The following MGAM variants were observed in gnomAD, a reference collection of about 807,000 sequenced individuals.
The protein encoded by MGAM is maltase-glucoamylase.
MGAM carries 253 observed loss-of-function variants against 358.8 expected under a neutral mutation model. The ratio of observed to expected loss-of-function variants is 0.71; its 90% CI spans 0.64 to 0.78. The LOEUF (loss-of-function observed/expected upper bound fraction) is 0.78. Among genes scored for constraint, MGAM ranks in the 30% least tolerant of loss-of-function variants. MGAM has a pLI of 0.00. For synonymous variants in MGAM, 1,105 were observed against 1,227.1 expected (o/e 0.90, Z 2.08); for missense variants, 3,080 against 3,432.6 (o/e 0.90, Z 2.57).
At chr7:142,044,285 GACATATAATATATACTA>G (rs1809640945) in intron 21 of MGAM, among the ~76,000 whole-genome samples, 2 of 79,484 alleles carry the variant, frequency 2.5e-5, no homozygotes, top group Non-Finnish European at 6.0e-5. Context: ...ATACACATAC[GACATATAATATATACTA>G]TATATAATAT....
Position 142,082,078 on chromosome 7 carries a change from C to T in MGAM, c.6039C>T (p.Asp2013=), listed in dbSNP as rs562216253. ...DSQLLGFTFN[D]MFIRISTRLP... ...AGCTCCTTGGCTTCACCTTCAATGA[C>T]ATGTTTATCCGCATCTCCACCCGCC... The change falls in exon 51 of 71, where the codon GAC becomes GAT. Residue 2013 remains aspartate (D), a synonymous_variant. Coordinates refer to ENST00000475668, the MANE Select transcript of MGAM (RefSeq NM_001365693.1). The T allele has an allele frequency of 6.4e-7, 1 of 1,555,862 alleles. No homozygotes were observed. Among genetic ancestry groups the T allele is most frequent in the African/African-American group, 1.3e-5 (1 of 74,610 alleles).
intron 65 of MGAM, 103 bp from the exon 66 acceptor site, chr7:142,097,490 G>A: frequency 1.7e-6 from 2 of 1,152,648 alleles, no homozygotes; most frequent in Non-Finnish European, 1.3e-6. Flanking sequence ...GAGGCAAGTG[G>A]GCCCAAGGCC....
intron 5 of MGAM, 57 bp from the exon 6 acceptor site, chr7:142,021,529 T>C: frequency 6.5e-7 from 1 of 1,541,604 alleles, no homozygotes; most frequent in Non-Finnish European, 8.9e-7. Context: ...GTAGGGATAT[T>C]GGGAAGCTCT....
chr7:142,051,335 G>A lies in MGAM; in HGVS notation c.2805+471G>A, dbSNP rs1277000549. On this transcript the variant is annotated intron_variant, in intron 24 of 70. Transcript: ENST00000475668. ...ATATTGATCCTTGAATGAAGGCTGTGCTACTGTGTGTGAGCATTGTTGGGA... is the reference window on the plus strand; with the variant it reads ...ATATTGATCCTTGAATGAAGGCTGTACTACTGTGTGTGAGCATTGTTGGGA... 3.9e-5 allele frequency among the ~76,000 whole-genome samples: 6 copies of A among 152,070 alleles called. No homozygotes were observed. The East Asian group carries it at 1.2e-3, about 29-fold the overall frequency.
intron 7 of MGAM, among the ~76,000 whole-genome samples, chr7:142,022,765 G>A (rs560291895): frequency 6.6e-4 from 100 of 151,400 alleles, no homozygotes; most frequent in Non-Finnish European, 1.2e-3. Context: ...TTCCTAACCA[G>A]ATATGGAGAA....
At position 142,036,536 on chromosome 7, in the gene MGAM, C is replaced by T. The variant is rs144924858; in HGVS notation, c.2076+251C>T. Among the ~76,000 whole-genome samples, 365 of 152,232 alleles carry T rather than the reference C, an allele frequency of 2.4e-3. 1 individual carries two copies. The highest frequency in any genetic ancestry group is 7.8e-3 in the African/African-American group (323 of 41,538). On this transcript the variant is annotated intron_variant, in intron 17 of 70. Transcript: ENST00000475668. ...AAAGGTCTTTCATCAAACTTCTGTACGCTTTATCTACATTGTTTGCTTTTA... is the reference window on the plus strand; with the variant it reads ...AAAGGTCTTTCATCAAACTTCTGTATGCTTTATCTACATTGTTTGCTTTTA...
intron 1 of MGAM, among the ~76,000 whole-genome samples, chr7:142,001,488 GAGA>G (rs1408397999): frequency 6.6e-6 from 1 of 152,208 alleles, no homozygotes; most frequent in African/African-American, 2.4e-5. Flanking sequence ...GACCTCACAG[GAGA>G]AGAAGGGTGA....
At chr7:142,046,097 T>C (rs1210919229) in intron 21 of MGAM, among the ~76,000 whole-genome samples, 3 of 142,856 alleles carry the variant, frequency 2.1e-5, no homozygotes, top group East Asian at 2.0e-4. Flanking sequence ...TGTGTAATTA[T>C]ATATTTATTT....
intron 21 of MGAM, among the ~76,000 whole-genome samples, chr7:142,041,499 A>C (rs1453170561): frequency 6.6e-6 from 1 of 152,034 alleles, no homozygotes; most frequent in African/African-American, 2.4e-5. Context: ...TGTTCTGCAC[A>C]CTGATACCAA....
chr7:142,063,733 C>A, intron 36 of MGAM, 147 bp downstream of exon 36: 1 of 957,058 alleles, frequency 1.0e-6, no homozygotes, highest in Non-Finnish European at 1.5e-6. Context: ...AAGCTCTGCA[C>A]GTGCTTTACC....
In MGAM at chr7:142,105,778, C is replaced by T. The variant is rs546292448; in HGVS notation, c.8185-36C>T. On this transcript the variant is annotated intron_variant, in intron 70 of 70. Coordinates refer to ENST00000475668, the MANE Select transcript of MGAM (RefSeq NM_001365693.1). The stretch of plus-strand genomic sequence containing the variant: ...TATTTGCATGCAGGAAATTTCAACA[C>T]CGGATGCCCAATTCTTTTCCTTTGG... 3.3e-6 allele frequency: 5 copies of T among 1,537,212 alleles called. No homozygotes were observed. In the Admixed American group the frequency reaches 8.4e-5, roughly 26 times the overall value.
Position 142,038,570 on chromosome 7 carries a change from G to A in MGAM, c.2271G>A (p.Gln757=), listed in dbSNP as rs201786618. The change falls in exon 19 of 71, where the codon CAG becomes CAA. Residue 757 remains glutamine, a synonymous_variant. Transcript: ENST00000475668. ...ACAGCACTTGGGATGTGCACCAACAGTTCTTATGGGGGCCCGGCCTCCTCA... is the reference window on the plus strand; with the variant it reads ...ACAGCACTTGGGATGTGCACCAACAATTCTTATGGGGGCCCGGCCTCCTCA... The part of the protein sequence containing the change: ...EDNSTWDVHQ[Q]FLWGPGLLIT... 1 of 1,611,730 alleles carries A rather than the reference G, an allele frequency of 6.2e-7. No individual in the cohort carries two copies. Among genetic ancestry groups the A allele is most frequent in the Non-Finnish European group, 8.5e-7 (1 of 1,178,916 alleles).
In MGAM at chr7:142,103,363, T is replaced by C. The variant is rs533087957; in HGVS notation, c.8108T>C (p.Val2703Ala). 1.2e-6 allele frequency: 2 copies of C among 1,613,304 alleles called. No individual in the cohort carries two copies. Among genetic ancestry groups the C allele is most frequent in the African/African-American group, 2.7e-5 (2 of 75,032 alleles). Reference sequence around the variant, plus strand: ...ATTGAAATCTGGGGAGTGGGCAGTGTCCCCGTTACCAGTGTCAGCATCTCT... The same window carrying C: ...ATTGAAATCTGGGGAGTGGGCAGTGCCCCCGTTACCAGTGTCAGCATCTCT... Reference protein sequence around the residue: ...GYIEIWGVGSVPVTSVSISVS... With the variant: ...GYIEIWGVGSAPVTSVSISVS... Residue 2703 changes from valine (V) to alanine (A), a missense_variant, in exon 70 of 71, where the codon GTC becomes GCC. Coordinates refer to ENST00000475668, the MANE Select transcript of MGAM (RefSeq NM_001365693.1).
At chr7:142,044,441 A>G (rs1792228697) in intron 21 of MGAM, among the ~76,000 whole-genome samples, 1 of 139,898 alleles carries the variant, frequency 7.1e-6, no homozygotes, top group Admixed American at 7.8e-5. Context: ...GATATATATA[A>G]TGAATATTAT....
At chr7:142,037,142 T>C (rs565390124) in intron 18 of MGAM, among the ~76,000 whole-genome samples, 165 bp downstream of exon 18, 1 of 152,306 alleles carries the variant, frequency 6.6e-6, no homozygotes, top group South Asian at 2.1e-4. Context: ...TATCTATCTA[T>C]CTATCTAACT....
chr7:142,077,880 T>A (rs1813871329), intron 47 of MGAM, among the ~76,000 whole-genome samples: 1 of 145,688 alleles, frequency 6.9e-6, no homozygotes, highest in African/African-American at 2.4e-5. Context: ...GTGTTCTTTC[T>A]ACCACTCCAC....
At chr7:142,046,545 G>T (rs1810434107) in intron 21 of MGAM, among the ~76,000 whole-genome samples, 2 of 152,066 alleles carry the variant, frequency 1.3e-5, no homozygotes, top group Admixed American at 1.3e-4. Flanking sequence ...ACTAGGCTTA[G>T]TAGCCCAATT....
chr7:142,091,148 G>C (rs1467296617), intron 57 of MGAM, among the ~76,000 whole-genome samples: 3 of 144,004 alleles, frequency 2.1e-5, no homozygotes, highest in African/African-American at 7.4e-5. Flanking sequence ...TCAGGAGGCT[G>C]AGGCAAAAGA....
intron 28 of MGAM, 85 bp downstream of exon 28, chr7:142,055,811 A>G: frequency 1.3e-6 from 2 of 1,583,402 alleles, no homozygotes; most frequent in South Asian, 2.3e-5. Context: ...CCCAAACTCC[A>G]CTTGGTCATC....
Sources: gnomAD v4.1 joint callset for allele counts (sites outside exome capture counted in the v4.1 genomes callset) on GRCh38, gnomAD v4.1.1 for gene constraint, MANE v1.5 for transcripts, NCBI Gene and HGNC (gene_info 2026-07-23, HGNC 2026-07-21) for gene names.